AKT3: variants seen among roughly 807,000 people sequenced by gnomAD.
AKT3 encodes AKT serine/threonine kinase 3.
A neutral mutation model predicts 65.3 loss-of-function variants in AKT3; 15 were observed. The ratio of observed to expected loss-of-function variants is 0.23; its 90% CI spans 0.15 to 0.35. The LOEUF is 0.35. AKT3 is among the 10% of genes least tolerant of loss of function. The pLI is 1.00. For missense variants in AKT3, 243 were observed against 576.5 expected (o/e 0.42, Z 5.92); for synonymous variants, 206 against 183.8 (o/e 1.12, Z -0.98).
At chr1:243,508,118 AC>A (rs1284507753) in intron 13 of AKT3, among the ~76,000 whole-genome samples, 1 of 152,226 alleles carries the variant, frequency 6.6e-6, no homozygotes, top group African/African-American at 2.4e-5. Flanking sequence ...ACGGTTTCTT[AC>A]CAGTTAAACT....
intron 2 of AKT3, among the ~76,000 whole-genome samples, chr1:243,753,779 T>A (rs1370494109): frequency 6.6e-6 from 1 of 152,146 alleles, no homozygotes; most frequent in African/African-American, 2.4e-5. Flanking sequence ...GGTAGTAGAG[T>A]GTAAAATAAC....
intron 2 of AKT3, among the ~76,000 whole-genome samples, chr1:243,784,910 A>G (rs949914851): frequency 6.6e-6 from 1 of 151,892 alleles, no homozygotes; most frequent in African/African-American, 2.4e-5. Context: ...ACAGGAGTGC[A>G]CCACCACGCC....
chr1:243,684,932 T>C (rs1684180200), intron 3 of AKT3, among the ~76,000 whole-genome samples: 1 of 152,216 alleles, frequency 6.6e-6, no homozygotes, highest in Non-Finnish European at 1.5e-5. Context: ...TTTTCATATG[T>C]TGGTTGGCCA....
intron 12 of AKT3, among the ~76,000 whole-genome samples, chr1:243,539,002 T>C (rs892930401): frequency 1.3e-5 from 2 of 151,900 alleles, no homozygotes. Context: ...CAGAAACCAA[T>C]AGAACAAGTA....
At chr1:243,580,985 A>G (rs1395386463) in intron 8 of AKT3, among the ~76,000 whole-genome samples, 1 of 152,102 alleles carries the variant, frequency 6.6e-6, no homozygotes, top group Non-Finnish European at 1.5e-5. Context: ...TCCTATGCAG[A>G]GATCTTAGTG....
At chr1:243,817,636 G>A (rs1693610746) in intron 2 of AKT3, among the ~76,000 whole-genome samples, 1 of 152,206 alleles carries the variant, frequency 6.6e-6, no homozygotes, top group African/African-American at 2.4e-5. Flanking sequence ...AGCTACTGAG[G>A]AGGCTGAGAC....
intron 2 of AKT3, among the ~76,000 whole-genome samples, chr1:243,781,908 G>C (rs755336368): frequency 9.2e-5 from 14 of 152,090 alleles, no homozygotes; most frequent in Admixed American, 3.3e-4. Context: ...CTGCAGCCTC[G>C]ACCTTCTGAG....
At chr1:243,554,057 A>G (rs1673251954) in intron 10 of AKT3, among the ~76,000 whole-genome samples, 1 of 152,126 alleles carries the variant, frequency 6.6e-6, no homozygotes, top group Non-Finnish European at 1.5e-5. Context: ...CGAATTAAAT[A>G]TTTTCTGGAA....
intron 4 of AKT3, among the ~76,000 whole-genome samples, chr1:243,647,053 A>G (rs1216733830): frequency 6.6e-6 from 1 of 152,220 alleles, no homozygotes; most frequent in Admixed American, 6.5e-5. Context: ...CTACCATCGT[A>G]ATCATTTAAA....
intron 13 of AKT3, among the ~76,000 whole-genome samples, chr1:243,506,383 G>A (rs567373470): frequency 2.0e-5 from 3 of 152,268 alleles, no homozygotes; most frequent in East Asian, 1.9e-4. Context: ...ACCCATATAG[G>A]AAGTACATTA....
rs58733457 is a variant in AKT3, at chr1:243,760,282, C to CTTTTTTTTTTTTTTT, written c.47-64581_47-64567dup. 8.7e-5 allele frequency among the ~76,000 whole-genome samples: 7 copies of CTTTTTTTTTTTTTTT among 80,914 alleles called. 1 individual carries two copies. Among genetic ancestry groups the CTTTTTTTTTTTTTTT allele is most frequent in the East Asian group, 4.5e-4 (1 of 2,222 alleles). 53.1% of individuals were successfully genotyped at this position (80,914 alleles called of 152,430 possible). On this transcript the variant is annotated intron_variant, in intron 2 of 13. Coordinates refer to ENST00000673466, the MANE Select transcript of AKT3 (RefSeq NM_005465.7). ...TACAGGCATGTACCTCTATATCTGG[C>CTTTTTTTTTTTTTTT]TTTTTTTTTTTTTTTTTTTTTTGTC...
chr1:243,547,889 G>A (rs534809057), intron 11 of AKT3: 2 of 152,320 alleles, frequency 1.3e-5, no homozygotes, highest in Admixed American at 1.3e-4. Context: ...ATACCCCAGA[G>A]ATGGCACTTT....
chr1:243,620,533 T>C (rs966172347), intron 6 of AKT3, among the ~76,000 whole-genome samples: 1 of 102,330 alleles, frequency 9.8e-6, no homozygotes, highest in Admixed American at 1.1e-4. Flanking sequence ...CTTTTTTTTT[T>C]CCTGCCAGAG....
At chr1:243,515,495 G>A (rs1026879033) in intron 12 of AKT3, among the ~76,000 whole-genome samples, 1 of 151,528 alleles carries the variant, frequency 6.6e-6, no homozygotes, top group East Asian at 1.9e-4. Flanking sequence ...TGCATCATTT[G>A]ATATAATCAT....
chr1:243,779,690 G>T (rs1228283608), intron 2 of AKT3, among the ~76,000 whole-genome samples: 1 of 151,916 alleles, frequency 6.6e-6, no homozygotes, highest in Admixed American at 6.6e-5. Context: ...GTAAATAAAA[G>T]AATTAAAAAT....
chr1:243,784,740 C>T lies in AKT3; in HGVS notation c.46+58385G>A, dbSNP rs147028832. ...TCATGCTGCACATGCTCTTGGTCCA[C>T]GCACAGTAGCCACAGCCAGCAGGGC... On this transcript the variant is annotated intron_variant, in intron 2 of 13. Transcript: ENST00000673466. Among the ~76,000 whole-genome samples the T allele has an allele frequency of 6.2e-4, 94 of 152,272 alleles. 1 individual carries two copies. Among genetic ancestry groups the T allele is most frequent in the South Asian group, 5.2e-3 (25 of 4,826 alleles).
At chr1:243,535,925 G>A (rs1436833747) in intron 12 of AKT3, among the ~76,000 whole-genome samples, 2 of 152,124 alleles carry the variant, frequency 1.3e-5, no homozygotes, top group Non-Finnish European at 2.9e-5. Context: ...TCTGATTGGG[G>A]TAAAATGGTA....
chr1:243,537,945 T>C (rs527724903), intron 12 of AKT3, among the ~76,000 whole-genome samples: 3 of 152,288 alleles, frequency 2.0e-5, no homozygotes, highest in Admixed American at 6.5e-5. Context: ...TTCCATGAAT[T>C]TTTCCAAACC....
rs936293064 is a variant in AKT3, at chr1:243,571,085, C to T, written c.819+1841G>A. 5.3e-5 allele frequency among the ~76,000 whole-genome samples: 8 copies of T among 152,068 alleles called. No homozygotes were observed. In the South Asian group the frequency reaches 8.3e-4, roughly 16 times the overall value. On this transcript the variant is annotated intron_variant, in intron 9 of 13. Coordinates refer to ENST00000673466, the MANE Select transcript of AKT3 (RefSeq NM_005465.7). ...CTGTAATCCCAGCATTTTGGAAGGTCGAGGCAGGCGGTCACGAGGTCAGGA... is the reference window on the plus strand; with the variant it reads ...CTGTAATCCCAGCATTTTGGAAGGTTGAGGCAGGCGGTCACGAGGTCAGGA...
Sources: allele counts gnomAD v4.1 joint callset (sites outside exome capture counted in the v4.1 genomes callset), GRCh38; gene constraint gnomAD v4.1.1; transcripts MANE v1.5; gene names NCBI Gene and HGNC (gene_info 2026-07-23, HGNC 2026-07-21).